The following FGFR1 variants were observed in gnomAD, a reference collection of about 807,000 sequenced individuals.
FGFR1 encodes the protein FGFR1/PLAG1 fusion.
FGFR1 carries 18 observed loss-of-function variants against 93.7 expected under a neutral mutation model. That is an observed-to-expected ratio of 0.19 (90% confidence interval 0.13 to 0.28). The LOEUF (loss-of-function observed/expected upper bound fraction) is 0.28, where lower values mean the gene tolerates loss of function less well. FGFR1 is among the 10% of genes least tolerant of loss of function. FGFR1 has a pLI of 1.00. For missense variants in FGFR1, 731 were observed against 1,080.4 expected, an observed-to-expected ratio of 0.68 and a Z score of 4.53; for synonymous variants, 448 against 429.3, an observed-to-expected ratio of 1.04 and a Z score of -0.54.
chr8:38,448,197 T>C (rs780789066), intron 2 of FGFR1, among the ~76,000 whole-genome samples: 24 of 152,196 alleles, frequency 1.6e-4, no homozygotes, highest in African/African-American at 4.8e-4. Context: ...GATGGAATTA[T>C]AGGAGTCTTC....
intron 1 of FGFR1, chr8:38,460,965 T>TC (rs2151422430): frequency 8.5e-7 from 1 of 1,170,300 alleles, no homozygotes; most frequent in Non-Finnish European, 1.2e-6. Context: ...TGCAGCTGGT[T>TC]CCCCCCGCCC....
chr8:38,413,753 C>T lies in FGFR1; in HGVS notation c.2344G>A (p.Asp782Asn), dbSNP rs776189467. The T allele has an allele frequency of 9.9e-6, 16 of 1,613,926 alleles. No individual in the cohort carries two copies. The highest frequency in any genetic ancestry group is 2.2e-5 in the East Asian group (1 of 44,868). Residue 782 changes from aspartate (D) to asparagine (N), a missense_variant, in exon 18 of 18, where the codon GAC (aspartate) becomes AAC (asparagine). Asp to Asn is a conservative substitution (Grantham distance 23). This residue lies in a region of FGFR1 where 79 missense variants were observed against 97.2 expected (regional missense o/e 0.81). Transcript: ENST00000447712. The surrounding 1 kb of genome is among the most constrained non-coding windows in gnomAD (Gnocchi z 4.2). ...GAGGAGCACGTAGAGCTCCGGGTGT[C>T]GGGAAAGCTGGGGGAGTACTGGTCC... ...PLDQYSPSFPDTRSSTCSSGE... is the reference protein window; with the variant it reads ...PLDQYSPSFPNTRSSTCSSGE...
intron 12 of FGFR1, among the ~76,000 whole-genome samples, chr8:38,416,974 G>A (rs1419523096): frequency 6.6e-6 from 1 of 151,804 alleles, no homozygotes; most frequent in East Asian, 1.9e-4. Flanking sequence ...GACTGGTCTC[G>A]AACTCCTGAT....
intron 2 of FGFR1, among the ~76,000 whole-genome samples, chr8:38,453,668 G>A (rs1421930964): frequency 1.3e-5 from 2 of 152,150 alleles, no homozygotes; most frequent in South Asian, 2.1e-4. Context: ...TTGGGAAGCC[G>A]AGGTGGGCAG....
intron 11 of FGFR1, 63 bp from the exon 12 acceptor site, chr8:38,417,479 G>GGAGT: frequency 7.2e-7 from 1 of 1,384,116 alleles, no homozygotes. Context: ...AAAGGCTAAG[G>GGAGT]GAGTGGGGTA....
chr8:38,446,461 T>A (rs11784905), intron 2 of FGFR1, among the ~76,000 whole-genome samples: 30,882 of 151,502 alleles, frequency 0.2, 3,199 homozygotes, highest in Non-Finnish European at 0.21. Flanking sequence ...TCAGCCCACC[T>A]TGGCCCCCAA....
chr8:38,452,245 A>T (rs891757674), intron 2 of FGFR1, among the ~76,000 whole-genome samples: 124 of 142,974 alleles, frequency 8.7e-4, no homozygotes, highest in African/African-American at 3.2e-3. Flanking sequence ...ACACACACAC[A>T]CTTAAAATCA....
At chr8:38,414,465 A>G (rs1162647305) in intron 15 of FGFR1, 94 bp downstream of exon 15, 1 of 1,546,020 alleles carries the variant, frequency 6.5e-7, no homozygotes. Flanking sequence ...CTGGGGCAGA[A>G]AGAGGACTCC....
rs1814842465 is a variant in FGFR1, at chr8:38,412,862, T to TTG, written c.*765_*766insCA. ...AAACATTTTCCTTTTTTTTCTTTTT[T>TTG]GTTTTTAATATATAGCAACTGATGC... On this transcript the variant is annotated 3_prime_UTR_variant, in exon 18 of 18. Transcript: ENST00000447712. 4.3e-6 allele frequency: 1 copy of TTG among 233,524 alleles called. No homozygotes were observed. The highest frequency in any genetic ancestry group is 8.5e-6 in the Non-Finnish European group (1 of 118,022). The allele number at this position is 233,524 out of a possible 1,614,324, so 14.5% of individuals were successfully genotyped here.
intron 2 of FGFR1, among the ~76,000 whole-genome samples, chr8:38,439,762 G>A (rs1399055120): frequency 6.6e-6 from 1 of 151,966 alleles, no homozygotes; most frequent in Non-Finnish European, 1.5e-5. Context: ...CACTTTCCTA[G>A]GCCTTAAAAC....
intron 1 of FGFR1, among the ~76,000 whole-genome samples, chr8:38,460,222 C>T (rs1461180064): frequency 6.6e-6 from 1 of 152,102 alleles, no homozygotes; most frequent in Non-Finnish European, 1.5e-5. Flanking sequence ...GGAAGCAGAC[C>T]ACAGATGGGC....
intron 6 of FGFR1, among the ~76,000 whole-genome samples, chr8:38,425,353 GC>G (rs1462606943): frequency 6.6e-6 from 1 of 151,998 alleles, no homozygotes; most frequent in Non-Finnish European, 1.5e-5. Flanking sequence ...TCACTGTGTT[GC>G]CCAGGCTGGT....
intron 1 of FGFR1, among the ~76,000 whole-genome samples, chr8:38,459,450 A>C (rs542126632): frequency 6.6e-6 from 1 of 152,338 alleles, no homozygotes; most frequent in South Asian, 2.1e-4. Context: ...AATGATTTCA[A>C]ATCAAAAGAG....
rs1816403275 is a variant in FGFR1 at position 38,415,981 on chromosome 8, C to T, written c.1743G>A (p.Leu581=). 1 of 1,614,098 alleles carries T rather than the reference C, an allele frequency of 6.2e-7. No individual in the cohort carries two copies. Among genetic ancestry groups the T allele is most frequent in the Non-Finnish European group, 8.5e-7 (1 of 1,180,038 alleles). ...TGTGGCTGGGGTTGTAGCAGTATTCCAGCCCTGGGGGCCTCCGGGCCTGCA... is the reference window on the plus strand; with the variant it reads ...TGTGGCTGGGGTTGTAGCAGTATTCTAGCCCTGGGGGCCTCCGGGCCTGCA... ...EYLQARRPPG[L]EYCYNPSHNP... Residue 581 remains leucine, a synonymous_variant, in exon 13 of 18, where the codon CTG becomes CTA. Transcript: ENST00000447712.
Position 38,436,269 on chromosome 8 carries a change from G to A in FGFR1, c.92-6321C>T, listed in dbSNP as rs554908467. 2.6e-5 allele frequency among the ~76,000 whole-genome samples: 4 copies of A among 152,242 alleles called. No homozygotes were observed. In the East Asian group the frequency reaches 7.7e-4, roughly 29 times the overall value. On this transcript the variant is annotated intron_variant, in intron 2 of 17. Transcript: ENST00000447712. ...GCATGCCTGTAGTCCCCAGGCACTT[G>A]GGAGGCAGAGGAGGGAGGATCCCTT...
intron 2 of FGFR1, among the ~76,000 whole-genome samples, chr8:38,443,979 G>C (rs1183894083): frequency 6.8e-6 from 1 of 147,176 alleles, no homozygotes; most frequent in Non-Finnish European, 1.5e-5. Context: ...CGTGAACTCA[G>C]GAGGTGGAGG....
At chr8:38,434,019 T>G (rs766627925) in intron 2 of FGFR1, among the ~76,000 whole-genome samples, 1 of 152,238 alleles carries the variant, frequency 6.6e-6, no homozygotes, top group Non-Finnish European at 1.5e-5. Context: ...TCATACAATA[T>G]GTGATCTTTT....
chr8:38,456,978 G>C (rs1303530118), intron 2 of FGFR1, among the ~76,000 whole-genome samples: 1 of 152,086 alleles, frequency 6.6e-6, no homozygotes, highest in Non-Finnish European at 1.5e-5. Flanking sequence ...CAAATTCTAA[G>C]GTCATTCTCT....
intron 1 of FGFR1, among the ~76,000 whole-genome samples, chr8:38,466,897 C>A (rs1381952895): frequency 4.8e-4 from 3 of 6,260 alleles, no homozygotes; most frequent in Non-Finnish European, 8.3e-4. Context: ...CACACCCCAC[C>A]CCCCCCCCAC....
Sources: gnomAD v4.1 joint callset for allele counts (sites outside exome capture counted in the v4.1 genomes callset) on GRCh38, gnomAD v4.1.1 for gene constraint, gnomAD v4.1.1 regional missense constraint, Gnocchi (gnomAD v3.1) non-coding constraint, MANE v1.5 for transcripts, NCBI Gene and HGNC (gene_info 2026-07-23, HGNC 2026-07-21) for gene names.